The following CNTNAP2 variants were observed in gnomAD, a reference collection of about 807,000 sequenced individuals.
The protein encoded by CNTNAP2 is contactin associated protein 2.
In CNTNAP2, 98 loss-of-function variants were observed where a neutral mutation model predicts 155.2. The ratio of observed to expected loss-of-function variants is 0.63; its 90% CI spans 0.54 to 0.75. The LOEUF is 0.75. CNTNAP2 is among the 30% of genes least tolerant of loss of function. The pLI is 0.00. For missense variants in CNTNAP2, 1,727 were observed against 1,688.1 expected (o/e 1.02, Z -0.40); for synonymous variants, 651 against 631.2 (o/e 1.03, Z -0.47).
intron 2 of CNTNAP2, among the ~76,000 whole-genome samples, chr7:146,818,683 A>G (rs1388218220): frequency 6.6e-6 from 1 of 152,164 alleles, no homozygotes; most frequent in Non-Finnish European, 1.5e-5. Flanking sequence ...TGATAAATGT[A>G]ACATTTAAGT....
Position 148,418,401 on chromosome 7 carries a change from T to A in CNTNAP2, c.*2785T>A, listed in dbSNP as rs1800040641. 6.6e-6 allele frequency: 1 copy of A among 152,214 alleles called. No individual in the cohort carries two copies. 9.4% of individuals were successfully genotyped at this position (152,214 alleles called of 1,614,324 possible). A position where few individuals can be genotyped will look rare whatever the true frequency, so the allele number is the denominator to read the frequency against. ...ATACATTATCAAGCAAGCACAAGTA[T>A]GCTGGTAGTAGCCTCTTTAAATAAT... On this transcript the variant is annotated 3_prime_UTR_variant, in exon 24 of 24. Transcript: ENST00000361727.
intron 8 of CNTNAP2, among the ~76,000 whole-genome samples, chr7:147,145,985 A>G (rs1801693705): frequency 6.6e-6 from 1 of 152,164 alleles, no homozygotes; most frequent in South Asian, 2.1e-4. Context: ...CATCACTATG[A>G]CTTGTTCCTA....
intron 1 of CNTNAP2, among the ~76,000 whole-genome samples, chr7:146,229,902 G>A (rs1799356633): frequency 6.6e-6 from 1 of 152,144 alleles, no homozygotes; most frequent in Non-Finnish European, 1.5e-5. Context: ...ATTCAGCAGA[G>A]TCAATCGTGA....
chr7:147,145,585 TTCCATTTTC>T (rs1801686714), intron 8 of CNTNAP2, among the ~76,000 whole-genome samples: 1 of 152,144 alleles, frequency 6.6e-6, no homozygotes, highest in South Asian at 2.1e-4. Context: ...CTCCACGGAC[TTCCATTTTC>T]TCCCATACTG....
intron 13 of CNTNAP2, among the ~76,000 whole-genome samples, chr7:147,830,669 A>G (rs1458579542): frequency 1.3e-5 from 2 of 152,226 alleles, no homozygotes; most frequent in Non-Finnish European, 2.9e-5. Context: ...GAAAGACCAT[A>G]TAATGGGTTG....
At chr7:146,352,768 TTTTC>T (rs1563051356) in intron 1 of CNTNAP2, among the ~76,000 whole-genome samples, 1 of 139,358 alleles carries the variant, frequency 7.2e-6, no homozygotes, top group Admixed American at 7.4e-5. Flanking sequence ...TTTTTTTTTT[TTTTC>T]GAGACAGAGT....
intron 8 of CNTNAP2, among the ~76,000 whole-genome samples, chr7:147,167,795 A>C (rs1039024299): frequency 2.0e-5 from 3 of 152,088 alleles, no homozygotes; most frequent in African/African-American, 7.2e-5. Flanking sequence ...GCTGTTTTGG[A>C]ATGCAGTTGA....
intron 3 of CNTNAP2, among the ~76,000 whole-genome samples, chr7:146,905,194 G>GGAGTC (rs1796093569): frequency 6.6e-6 from 1 of 151,566 alleles, no homozygotes; most frequent in Non-Finnish European, 1.5e-5. Context: ...AAAGTTCCCT[G>GGAGTC]GAGTCGGGAG....
At chr7:147,088,576 T>C (rs111630985) in intron 4 of CNTNAP2, among the ~76,000 whole-genome samples, 1,741 of 152,282 alleles carry the variant, frequency 0.011, 24 homozygotes, top group African/African-American at 0.036. Context: ...TATTATGTCA[T>C]ATTATGAAGC....
At chr7:148,068,966 A>G (rs533782418) in intron 15 of CNTNAP2, among the ~76,000 whole-genome samples, 5 of 151,948 alleles carry the variant, frequency 3.3e-5, no homozygotes, top group Non-Finnish European at 5.9e-5. Context: ...TAGACTACCA[A>G]CTCTGTCTCC....
intron 8 of CNTNAP2, among the ~76,000 whole-genome samples, chr7:147,206,399 C>G (rs1803024815): frequency 6.6e-6 from 1 of 151,804 alleles, no homozygotes; most frequent in South Asian, 2.1e-4. Flanking sequence ...ACCCAATCTA[C>G]TAAAAATACA....
rs186903859 is a variant in CNTNAP2 at position 147,056,034 on chromosome 7, G to A, written c.550+11980G>A. Among the ~76,000 whole-genome samples the A allele has an allele frequency of 1.2e-3, 190 of 152,256 alleles. 3 individuals are homozygous for A. The highest frequency in any genetic ancestry group is 4.0e-3 in the African/African-American group (167 of 41,548). On this transcript the variant is annotated intron_variant, in intron 4 of 23. Transcript: ENST00000361727. ...AATAATCTTTGGCTCTACATAAGAT[G>A]TTTGCTTTGTGTAAATTTGATTTAA...
chr7:146,732,846 G>A (rs1045104789), intron 1 of CNTNAP2, among the ~76,000 whole-genome samples: 4 of 152,042 alleles, frequency 2.6e-5, no homozygotes, highest in African/African-American at 9.7e-5. Context: ...TGTAGATGCT[G>A]TATTGATAGT....
intron 2 of CNTNAP2, among the ~76,000 whole-genome samples, chr7:146,775,317 C>T (rs1393727697): frequency 6.6e-6 from 1 of 152,074 alleles, no homozygotes; most frequent in African/African-American, 2.4e-5. Context: ...TAAGTGGCCT[C>T]ACCATTTATG....
intron 15 of CNTNAP2, among the ~76,000 whole-genome samples, chr7:148,071,236 AG>A (rs2116529941): frequency 6.6e-6 from 1 of 152,180 alleles, no homozygotes; most frequent in East Asian, 1.9e-4. Flanking sequence ...CAGCACTTTC[AG>A]AGGCCGAGAC....
chr7:146,198,684 G>A (rs1323339895), intron 1 of CNTNAP2, among the ~76,000 whole-genome samples: 1 of 151,994 alleles, frequency 6.6e-6, no homozygotes, highest in Non-Finnish European at 1.5e-5. Context: ...AAAAATTCCT[G>A]CAATGTTGTC....
intron 10 of CNTNAP2, among the ~76,000 whole-genome samples, chr7:147,468,161 C>T (rs1256196460): frequency 1.3e-5 from 2 of 152,018 alleles, no homozygotes; most frequent in African/African-American, 4.8e-5. Context: ...TGTAGTGGCA[C>T]GTGCCTATAG....
intron 1 of CNTNAP2, among the ~76,000 whole-genome samples, chr7:146,455,276 A>G (rs952592508): frequency 2.6e-5 from 4 of 152,202 alleles, no homozygotes; most frequent in African/African-American, 7.2e-5. Flanking sequence ...TTGAAAAGAA[A>G]TATTTCTGAG....
intron 1 of CNTNAP2, among the ~76,000 whole-genome samples, chr7:146,554,841 C>T (rs1039254684): frequency 9.2e-5 from 14 of 152,210 alleles, no homozygotes; most frequent in African/African-American, 2.2e-4. Flanking sequence ...ACAAAATAGG[C>T]GTTAGCCAGG....
Sources: gnomAD v4.1 joint callset for allele counts (sites outside exome capture counted in the v4.1 genomes callset) on GRCh38, gnomAD v4.1.1 for gene constraint, MANE v1.5 for transcripts, NCBI Gene and HGNC (gene_info 2026-07-23, HGNC 2026-07-21) for gene names.